NKAIN2: variants seen among roughly 807,000 people sequenced by gnomAD.
The protein encoded by NKAIN2 is sodium/potassium transporting ATPase interacting 2, also known as sodium/potassium-transporting ATPase subunit beta-1-interacting protein 2.
A neutral mutation model predicts 32.6 loss-of-function variants in NKAIN2; 14 were observed. The ratio of observed to expected loss-of-function variants is 0.43; its 90% CI spans 0.28 to 0.67. The LOEUF (loss-of-function observed/expected upper bound fraction) is 0.67. NKAIN2 is among the 30% of genes least tolerant of loss of function. The probability of loss-of-function intolerance (pLI) is 0.17; values close to 1 mark genes in which losing one functional copy is unlikely to be tolerated. For synonymous variants in NKAIN2, 80 were observed against 87.2 expected, an observed-to-expected ratio of 0.92 and a Z score of 0.46; for missense variants, 198 against 258.3, an observed-to-expected ratio of 0.77 and a Z score of 1.60.
chr6:124,196,248 C>A (rs1401918505), intron 1 of NKAIN2, among the ~76,000 whole-genome samples: 1 of 151,896 alleles, frequency 6.6e-6, no homozygotes, highest in African/African-American at 2.4e-5. Flanking sequence ...AACACAATAC[C>A]TGATTGTTTT....
chr6:124,547,559 A>C (rs1780140365), intron 3 of NKAIN2, among the ~76,000 whole-genome samples: 1 of 152,242 alleles, frequency 6.6e-6, no homozygotes, highest in Non-Finnish European at 1.5e-5. Context: ...GCAGCTTAAA[A>C]GCAAACCTAT....
chr6:124,065,213 TACACACACAC>T (rs144681461), intron 1 of NKAIN2, among the ~76,000 whole-genome samples: 13 of 147,912 alleles, frequency 8.8e-5, no homozygotes, highest in African/African-American at 2.5e-4. Flanking sequence ...ATCAGAAAAT[TACACACACAC>T]ACACACACAC....
intron 1 of NKAIN2, among the ~76,000 whole-genome samples, chr6:124,224,456 A>G (rs190605223): frequency 3.5e-3 from 533 of 152,246 alleles, no homozygotes; most frequent in Non-Finnish European, 5.9e-3. Flanking sequence ...TAAGAATTAG[A>G]TGATTTCCCT....
chr6:124,724,681 TATA>T (rs1776188506), intron 4 of NKAIN2, among the ~76,000 whole-genome samples: 1 of 152,242 alleles, frequency 6.6e-6, no homozygotes, highest in South Asian at 2.1e-4. Flanking sequence ...TTATTAATAA[TATA>T]AGAATTAAGG....
intron 4 of NKAIN2, among the ~76,000 whole-genome samples, chr6:124,662,614 T>A (rs1254494654): frequency 6.6e-6 from 1 of 152,206 alleles, no homozygotes; most frequent in African/African-American, 2.4e-5. Context: ...TTAGTTATGT[T>A]GTTAATAATT....
At chr6:124,325,575 C>G (rs898413014) in intron 2 of NKAIN2, among the ~76,000 whole-genome samples, 1 of 152,028 alleles carries the variant, frequency 6.6e-6, no homozygotes, top group Non-Finnish European at 1.5e-5. Flanking sequence ...AGACAATAAG[C>G]TACTGGCACA....
intron 3 of NKAIN2, among the ~76,000 whole-genome samples, chr6:124,467,366 A>ACAT (rs1243780806): frequency 6.6e-6 from 1 of 152,134 alleles, no homozygotes; most frequent in African/African-American, 2.4e-5. Flanking sequence ...AGGACTACAA[A>ACAT]CATTAAATAG....
chr6:124,274,488 A>T (rs1255752259), intron 1 of NKAIN2, among the ~76,000 whole-genome samples: 1 of 152,138 alleles, frequency 6.6e-6, no homozygotes, highest in Non-Finnish European at 1.5e-5. Flanking sequence ...TTGTGAAAAC[A>T]ATACCATAAG....
chr6:124,487,975 T>A (rs183545221), intron 3 of NKAIN2, among the ~76,000 whole-genome samples: 1 of 152,250 alleles, frequency 6.6e-6, no homozygotes, highest in Admixed American at 6.5e-5. Flanking sequence ...TTCAGAGTGA[T>A]GTTTGTTTAC....
rs535241922 is a variant in NKAIN2 at position 124,479,748 on chromosome 6, G to A, written c.273+124401G>A. Among the ~76,000 whole-genome samples the A allele has an allele frequency of 2.6e-5, 4 of 151,022 alleles. No individual in the cohort carries two copies. In the South Asian group the frequency reaches 8.4e-4, roughly 32 times the overall value. ...GCCTATAGTCGCATACAACTTGGGA[G>A]CTTATGGAAAAATTGTTAATACTGT... On this transcript the variant is annotated intron_variant, in intron 3 of 6. Transcript: ENST00000368417.
At chr6:123,871,979 T>C (rs1772913212) in intron 1 of NKAIN2, among the ~76,000 whole-genome samples, 1 of 152,214 alleles carries the variant, frequency 6.6e-6, no homozygotes, top group Admixed American at 6.5e-5. Context: ...GGATTCTAGA[T>C]TTTTCATTTA....
At chr6:123,979,220 A>C (rs548222061) in intron 1 of NKAIN2, among the ~76,000 whole-genome samples, 2 of 152,192 alleles carry the variant, frequency 1.3e-5, no homozygotes, top group Non-Finnish European at 2.9e-5. Context: ...TTTTTAAAGA[A>C]ATATTTTAAT....
chr6:123,820,355 A>G (rs1773872649), intron 1 of NKAIN2, among the ~76,000 whole-genome samples: 1 of 152,242 alleles, frequency 6.6e-6, no homozygotes, highest in South Asian at 2.1e-4. Context: ...TGGGACAGAG[A>G]AGAAAATAAA....
intron 1 of NKAIN2, among the ~76,000 whole-genome samples, chr6:124,176,454 C>G (rs919479639): frequency 4.6e-5 from 7 of 151,980 alleles, no homozygotes; most frequent in African/African-American, 1.7e-4. Flanking sequence ...TTTATTTTGC[C>G]TTTCCAAATT....
intron 1 of NKAIN2, among the ~76,000 whole-genome samples, chr6:124,225,473 A>G (rs996102911): frequency 1.3e-5 from 2 of 151,942 alleles, no homozygotes; most frequent in Admixed American, 6.6e-5. Flanking sequence ...TCTCTAAAAT[A>G]CCTTTATAAT....
Position 124,788,063 on chromosome 6 carries a change from CTTCT to C in NKAIN2, c.475-3271_475-3268del, listed in dbSNP as rs150452845. 1.3e-3 allele frequency among the ~76,000 whole-genome samples: 199 copies of C among 152,130 alleles called. 1 individual carries two copies. Among genetic ancestry groups the C allele is most frequent in the Non-Finnish European group, 1.3e-3 (85 of 67,976 alleles). Reference sequence around the variant, plus strand: ...ACTTATTAGGAGTACAGTTTTCTTCCTTCTTTCTGAAGATTTACCTAAATCGACT... The same window carrying C: ...ACTTATTAGGAGTACAGTTTTCTTCCTTCTGAAGATTTACCTAAATCGACT... On this transcript the variant is annotated intron_variant, in intron 4 of 6. Transcript: ENST00000368417.
intron 1 of NKAIN2, among the ~76,000 whole-genome samples, chr6:124,200,632 A>G (rs945244575): frequency 6.6e-6 from 1 of 152,122 alleles, no homozygotes; most frequent in Non-Finnish European, 1.5e-5. Context: ...GTCTTTTCCA[A>G]GAATTAAGAA....
At chr6:124,226,076 A>AGGAG (rs2114715436) in intron 1 of NKAIN2, among the ~76,000 whole-genome samples, 1 of 152,212 alleles carries the variant, frequency 6.6e-6, no homozygotes, top group South Asian at 2.1e-4. Flanking sequence ...CCAGTGTCAC[A>AGGAG]GGAGAGAATG....
At chr6:124,145,913 C>T (rs996074942) in intron 1 of NKAIN2, among the ~76,000 whole-genome samples, 1 of 152,024 alleles carries the variant, frequency 6.6e-6, no homozygotes, top group Admixed American at 6.6e-5. Flanking sequence ...CATGAGGGAT[C>T]CTTGTGGTGA....
Sources: allele counts gnomAD v4.1 joint callset (sites outside exome capture counted in the v4.1 genomes callset), GRCh38; gene constraint gnomAD v4.1.1; transcripts MANE v1.5; gene names NCBI Gene and HGNC (gene_info 2026-07-23, HGNC 2026-07-21).